SLK: variants seen among roughly 807,000 people sequenced by gnomAD.
The protein encoded by SLK is STE20 like kinase, also known as STE20-like serine/threonine-protein kinase.
In SLK, 67 loss-of-function variants were observed where a neutral mutation model predicts 147.7. The observed-to-expected ratio is 0.45, with a 90% CI of 0.37 to 0.56. The LOEUF is 0.56. Among genes scored for constraint, SLK ranks in the 20% least tolerant of loss-of-function variants. The pLI is 0.00. For synonymous variants in SLK, 441 were observed against 475.0 expected (o/e 0.93, Z 0.93); for missense variants, 1,136 against 1,438.8 (o/e 0.79, Z 3.41).
chr10:103,971,960 A>C (rs1843799057), intron 1 of SLK, among the ~76,000 whole-genome samples: 1 of 152,194 alleles, frequency 6.6e-6, no homozygotes, highest in East Asian at 1.9e-4. Flanking sequence ...TGCTTTTCTT[A>C]ATCATTTACT....
At chr10:104,020,747 G>A in intron 17 of SLK, 134 bp downstream of exon 17, 1 of 859,252 alleles carries the variant, frequency 1.2e-6, no homozygotes, top group Non-Finnish European at 1.8e-6. Flanking sequence ...TCTGTTTTTT[G>A]TACAGATCCA....
chr10:103,975,580 A>T (rs1365942081), intron 1 of SLK, among the ~76,000 whole-genome samples: 1 of 152,154 alleles, frequency 6.6e-6, no homozygotes, highest in East Asian at 1.9e-4. Context: ...AATCATTTAC[A>T]TGATTCTTTT....
chr10:104,023,776 C>T (rs776832371), intron 18 of SLK, among the ~76,000 whole-genome samples: 1 of 152,136 alleles, frequency 6.6e-6, no homozygotes, highest in African/African-American at 2.4e-5. Flanking sequence ...TGTTTATTGT[C>T]CCCTCTTGCG....
At chr10:103,992,951 A>T in intron 3 of SLK, 33 bp from the exon 4 acceptor site, 1 of 1,550,398 alleles carries the variant, frequency 6.4e-7, no homozygotes, top group Non-Finnish European at 8.8e-7. Context: ...ACTGTATAAA[A>T]AGCAGATTTT....
chr10:104,018,987 C>T, intron 15 of SLK, 79 bp downstream of exon 15: 1 of 1,348,020 alleles, frequency 7.4e-7, no homozygotes, highest in Non-Finnish European at 1.0e-6. Context: ...ACTTAAGTTT[C>T]TTAGATAATG....
At chr10:104,008,052 T>A (rs1443762025) in intron 11 of SLK, 125 bp from the exon 12 acceptor site, 1 of 625,840 alleles carries the variant, frequency 1.6e-6, no homozygotes, top group Non-Finnish European at 2.6e-6. Flanking sequence ...TTTTTCAGTA[T>A]TGTGAAGGTT....
rs1398923972 is a variant in SLK at position 103,993,109 on chromosome 10, A to G, written c.490A>G (p.Thr164Ala). 1 of 1,608,974 alleles carries G rather than the reference A, an allele frequency of 6.2e-7. No homozygotes were observed. The highest frequency in any genetic ancestry group is 8.5e-7 in the Non-Finnish European group (1 of 1,177,472). ...RDLKAGNILFTLDGDIKLADF... is the reference protein window; with the variant it reads ...RDLKAGNILFALDGDIKLADF... ...TCTGAAGGCTGGCAACATTCTCTTTACCTTAGATGGAGATATCAAATTGGG... is the reference window on the plus strand; with the variant it reads ...TCTGAAGGCTGGCAACATTCTCTTTGCCTTAGATGGAGATATCAAATTGGG... Residue 164 changes from threonine to alanine, a missense_variant, in exon 4 of 19, where the codon ACC becomes GCC. By Grantham distance (58) the Thr-to-Ala change is moderately conservative. Coordinates refer to ENST00000369755, the MANE Select transcript of SLK (RefSeq NM_014720.4).
intron 17 of SLK, 108 bp downstream of exon 17, chr10:104,020,721 G>A: frequency 1.6e-6 from 2 of 1,238,250 alleles, no homozygotes; most frequent in Admixed American, 2.5e-5. Flanking sequence ...ACACGAACAT[G>A]CTGGGTTTGA....
chr10:103,967,942 A>G (rs747703567), intron 1 of SLK, 47 bp downstream of exon 1: 3 of 1,603,156 alleles, frequency 1.9e-6, no homozygotes, highest in Non-Finnish European at 2.6e-6. Context: ...TAAAACAGCC[A>G]CTGGCCTGGA....
chr10:104,009,720 G>A (rs1844374869), intron 12 of SLK, among the ~76,000 whole-genome samples: 2 of 152,032 alleles, frequency 1.3e-5, no homozygotes, highest in African/African-American at 4.8e-5. Flanking sequence ...TTGGGGGTAG[G>A]AGAGTTTCAG....
At chr10:104,011,603 C>T (rs1389444819) in intron 13 of SLK, among the ~76,000 whole-genome samples, 1 of 151,752 alleles carries the variant, frequency 6.6e-6, no homozygotes, top group Non-Finnish European at 1.5e-5. Flanking sequence ...GCTCTGTCTC[C>T]AGGCTGGAGT....
At chr10:104,019,060 ATT>A in intron 15 of SLK, 152 bp downstream of exon 15, 1 of 677,004 alleles carries the variant, frequency 1.5e-6, no homozygotes, top group South Asian at 2.3e-5. Flanking sequence ...GGAGTAATTA[ATT>A]GTATCTTGAT....
intron 4 of SLK, among the ~76,000 whole-genome samples, chr10:103,995,864 C>A (rs1406394029): frequency 6.6e-6 from 1 of 152,128 alleles, no homozygotes; most frequent in African/African-American, 2.4e-5. Context: ...AGAGCTAGAA[C>A]CCTCATGAGT....
chr10:103,982,172 T>C (rs1414111410), intron 1 of SLK, among the ~76,000 whole-genome samples: 3 of 152,222 alleles, frequency 2.0e-5, no homozygotes, highest in Admixed American at 1.3e-4. Context: ...TGTCTTATTT[T>C]AAAATATATT....
At chr10:104,019,710 G>A (rs1258880170) in intron 15 of SLK, 24 bp from the exon 16 acceptor site, 1 of 1,575,408 alleles carries the variant, frequency 6.3e-7, no homozygotes, top group South Asian at 1.1e-5. Flanking sequence ...CTGCGTCACT[G>A]GATTCTATTT....
rs75337443 is a variant in SLK at position 103,988,401 on chromosome 10, C to T, written c.151-2274C>T. Among the ~76,000 whole-genome samples the T allele has an allele frequency of 8.9e-3, 1,361 of 152,204 alleles. 12 individuals are homozygous for T. The highest frequency in any genetic ancestry group is 0.012 in the Non-Finnish European group (844 of 68,020). On this transcript the variant is annotated intron_variant, in intron 1 of 18. Transcript: ENST00000369755. Reference sequence around the variant, plus strand: ...ATGATTATGCCTAGTGTTCCATTAACGGAACGCTAAGCTTGTGGGGGTTAT... The same window carrying T: ...ATGATTATGCCTAGTGTTCCATTAATGGAACGCTAAGCTTGTGGGGGTTAT...
At position 104,014,216 on chromosome 10, in the gene SLK, T is replaced by C. The variant is rs141689704; in HGVS notation, c.2877+3308T>C. 1.3e-3 allele frequency among the ~76,000 whole-genome samples: 203 copies of C among 152,366 alleles called. 1 individual carries two copies. The highest frequency in any genetic ancestry group is 4.7e-3 in the African/African-American group (196 of 41,594). Reference sequence around the variant, plus strand: ...TTTATGTAGATGTTTTAATTATGGATATGGTCAGAAAAGCCATGTTAAAAG... The same window carrying C: ...TTTATGTAGATGTTTTAATTATGGACATGGTCAGAAAAGCCATGTTAAAAG... On this transcript the variant is annotated intron_variant, in intron 13 of 18. Transcript: ENST00000369755.
intron 4 of SLK, among the ~76,000 whole-genome samples, chr10:103,996,400 C>CTTTTTTT (rs555751299): frequency 1.9e-5 from 2 of 106,446 alleles, no homozygotes; most frequent in Non-Finnish European, 1.9e-5. Context: ...TTTTTCTTTT[C>CTTTTTTT]TTTTTTTTTT....
chr10:104,022,409 C>G (rs983467341), intron 18 of SLK, among the ~76,000 whole-genome samples: 13 of 152,154 alleles, frequency 8.5e-5, no homozygotes, highest in African/African-American at 3.1e-4. Context: ...TACTGGCTAA[C>G]CATTTCACCT....
Sources: allele counts gnomAD v4.1 joint callset (sites outside exome capture counted in the v4.1 genomes callset), GRCh38; gene constraint gnomAD v4.1.1; transcripts MANE v1.5; gene names NCBI Gene and HGNC (gene_info 2026-07-23, HGNC 2026-07-21).